Variants in NDST3 observed in about 807,000 individuals in gnomAD.
The protein encoded by NDST3 is bifunctional heparan sulfate N-deacetylase/N-sulfotransferase 3.
NDST3 carries 58 observed loss-of-function variants against 96.1 expected under a neutral mutation model. The observed-to-expected ratio is 0.60, with a 90% CI of 0.49 to 0.75. The LOEUF (loss-of-function observed/expected upper bound fraction) is 0.75, where lower values mean the gene tolerates loss of function less well. Ranked by LOEUF, NDST3 falls within the 30% of genes least tolerant of loss-of-function variation. The pLI, the probability that NDST3 is intolerant of heterozygous loss-of-function variation, is 0.00. For missense variants in NDST3, 788 were observed against 1,034.2 expected, an observed-to-expected ratio of 0.76 and a Z score of 3.27; for synonymous variants, 333 against 359.7, an observed-to-expected ratio of 0.93 and a Z score of 0.84.
At chr4:118,203,474 A>T (rs999092219) in intron 6 of NDST3, among the ~76,000 whole-genome samples, 2 of 152,146 alleles carry the variant, frequency 1.3e-5, no homozygotes. Flanking sequence ...TTAATTACTG[A>T]TTCAATTTCA....
At chr4:118,146,620 T>C (rs1733967958) in intron 6 of NDST3, among the ~76,000 whole-genome samples, 1 of 152,208 alleles carries the variant, frequency 6.6e-6, no homozygotes, top group African/African-American at 2.4e-5. Flanking sequence ...ATATTTGTCA[T>C]GTAAAAGAAA....
At chr4:118,064,525 G>A (rs957053511) in intron 2 of NDST3, among the ~76,000 whole-genome samples, 2 of 151,820 alleles carry the variant, frequency 1.3e-5, no homozygotes, top group African/African-American at 4.8e-5. Flanking sequence ...TAAACTTCTA[G>A]ATAAACTGAA....
At chr4:118,139,440 G>A (rs748944803) in intron 5 of NDST3, among the ~76,000 whole-genome samples, 2 of 152,218 alleles carry the variant, frequency 1.3e-5, no homozygotes, top group Non-Finnish European at 2.9e-5. Flanking sequence ...TATTTGGCTT[G>A]TGGGCTCTTG....
intron 6 of NDST3, among the ~76,000 whole-genome samples, chr4:118,183,160 G>T (rs1269301731): frequency 1.3e-5 from 2 of 152,156 alleles, no homozygotes; most frequent in African/African-American, 4.8e-5. Flanking sequence ...TACAGGCAGA[G>T]ATCCAGGAGG....
At position 118,257,792 on chromosome 4, in the gene NDST3, T is replaced by C. The variant is rs1742205637; in HGVS notation, c.*2080T>C. The C allele has an allele frequency of 6.6e-6, 1 of 152,210 alleles. No homozygotes were observed. Among genetic ancestry groups the C allele is most frequent in the African/African-American group, 2.4e-5 (1 of 41,456 alleles). The allele number at this position is 152,210 out of a possible 1,614,324, so 9.4% of individuals were successfully genotyped here. A position where few individuals can be genotyped will look rare whatever the true frequency, so the allele number is the denominator to read the frequency against. ...CTTGACTCTAAAAGCAAAATCAAAG[T>C]GATTTGGACAAATATGGGAAACACA... On this transcript the variant is annotated 3_prime_UTR_variant, in exon 14 of 14. Transcript: ENST00000296499.
chr4:118,054,013 A>G lies in NDST3; in HGVS notation c.103A>G (p.Ser35Gly), dbSNP rs1388256755. 1 of 1,612,862 alleles carries G rather than the reference A, an allele frequency of 6.2e-7. No individual in the cohort carries two copies. The highest frequency in any genetic ancestry group is 8.5e-7 in the Non-Finnish European group (1 of 1,179,230). Residue 35 changes from serine to glycine, a missense_variant, in exon 2 of 14, where the codon AGT (serine) becomes GGT (glycine). Physicochemically the swap from Ser to Gly is moderately conservative, Grantham distance 56. Coordinates refer to ENST00000296499, the MANE Select transcript of NDST3 (RefSeq NM_004784.3). ...TATCATTTCTGCTTACTACCTGTAC[A>G]GTGGCTACAAACAGGAAAATGAACT... is the stretch of plus-strand genomic sequence containing the variant. The part of the protein sequence containing the change: ...SIIISAYYLY[S>G]GYKQENELSE...
At chr4:118,067,633 T>C (rs1018871640) in intron 2 of NDST3, among the ~76,000 whole-genome samples, 3 of 152,086 alleles carry the variant, frequency 2.0e-5, no homozygotes. Flanking sequence ...GAATCTATCT[T>C]TAAGGATGCC....
chr4:118,053,680 T>C, intron 1 of NDST3, 76 bp from the exon 2 acceptor site: 1 of 440,120 alleles, frequency 2.3e-6, no homozygotes, highest in Non-Finnish European at 4.0e-6. Flanking sequence ...CTGCCACTTA[T>C]GCTAGTCAAC....
At chr4:118,079,015 A>G (rs1727804408) in intron 2 of NDST3, among the ~76,000 whole-genome samples, 1 of 152,196 alleles carries the variant, frequency 6.6e-6, no homozygotes. Flanking sequence ...GGAATACTAA[A>G]ATGAGTAAAA....
Position 118,224,641 on chromosome 4 carries a change from C to G in NDST3, c.1690C>G (p.Leu564Val), listed in dbSNP as rs371787334. The G allele has an allele frequency of 1.2e-6, 2 of 1,607,510 alleles. No homozygotes were observed. The highest frequency in any genetic ancestry group is 1.7e-6 in the Non-Finnish European group (2 of 1,176,716). The change falls in exon 7 of 14, where the codon CTG becomes GTG. Residue 564 changes from leucine to valine, a missense_variant. This residue lies in a region of NDST3 where 490 missense variants were observed against 708.8 expected (regional missense o/e 0.69). Transcript: ENST00000296499. ...ACAACTGGCCCACAAGTATTTTGAG[C>G]TGTTTCCTGATCAGAAAGACCCTCT... ...PVQLAHKYFE[L>V]FPDQKDPLWQ...
chr4:118,095,563 T>G (rs1196192269), intron 2 of NDST3, among the ~76,000 whole-genome samples: 2 of 151,846 alleles, frequency 1.3e-5, no homozygotes, highest in African/African-American at 2.4e-5. Context: ...GTTTTTTTTT[T>G]TGTGGTTGTT....
chr4:118,243,227 C>A (rs2126008219), intron 12 of NDST3, among the ~76,000 whole-genome samples: 1 of 152,012 alleles, frequency 6.6e-6, no homozygotes, highest in African/African-American at 2.4e-5. Context: ...TCTTTAATAT[C>A]AATTTAGAAA....
intron 6 of NDST3, 83 bp downstream of exon 6, chr4:118,143,767 C>A: frequency 7.1e-7 from 1 of 1,406,030 alleles, no homozygotes; most frequent in South Asian, 1.5e-5. Context: ...AGGGATTGGG[C>A]AGTCATCAGC....
At chr4:118,213,045 T>A (rs1448647707) in intron 6 of NDST3, among the ~76,000 whole-genome samples, 1 of 152,182 alleles carries the variant, frequency 6.6e-6, no homozygotes, top group Non-Finnish European at 1.5e-5. Context: ...TCCTTATTAG[T>A]CTCTTCACAT....
At chr4:118,169,435 A>T (rs1735776765) in intron 6 of NDST3, among the ~76,000 whole-genome samples, 1 of 152,174 alleles carries the variant, frequency 6.6e-6, no homozygotes, top group Non-Finnish European at 1.5e-5. Flanking sequence ...CCCAAAATAA[A>T]GAGGCTTAAA....
chr4:118,200,160 G>C (rs2125978216), intron 6 of NDST3, among the ~76,000 whole-genome samples: 1 of 152,308 alleles, frequency 6.6e-6, no homozygotes, highest in Middle Eastern at 3.4e-3. Flanking sequence ...CAAGCTCCAG[G>C]AGGGTCCAGA....
chr4:118,068,039 C>T (rs1726739342), intron 2 of NDST3, among the ~76,000 whole-genome samples: 1 of 151,908 alleles, frequency 6.6e-6, no homozygotes, highest in Non-Finnish European at 1.5e-5. Context: ...GTTTTCAAGC[C>T]ATCAGCAGAC....
In NDST3 at chr4:118,164,783, A is replaced by G. The variant is rs183920711; in HGVS notation, c.1539+21099A>G. Among the ~76,000 whole-genome samples, 441 of 152,298 alleles carry G rather than the reference A, an allele frequency of 2.9e-3. 2 individuals are homozygous for G. Among genetic ancestry groups the G allele is most frequent in the African/African-American group, 1.0e-2 (414 of 41,572 alleles). The stretch of plus-strand genomic sequence containing the variant: ...AACACTATAACTATATGACAATAAT[A>G]AAAAGGGCAAGGGAGGTGAAAGAAT... On this transcript the variant is annotated intron_variant, in intron 6 of 13. Coordinates refer to ENST00000296499, the MANE Select transcript of NDST3 (RefSeq NM_004784.3).
chr4:118,099,536 G>T (rs1220225784), intron 2 of NDST3, among the ~76,000 whole-genome samples: 1 of 152,054 alleles, frequency 6.6e-6, no homozygotes, highest in African/African-American at 2.4e-5. Flanking sequence ...TTGCCATTAG[G>T]AGTGTTAATT....
Sources: gnomAD v4.1 joint callset for allele counts (sites outside exome capture counted in the v4.1 genomes callset) on GRCh38, gnomAD v4.1.1 for gene constraint, gnomAD v4.1.1 regional missense constraint, MANE v1.5 for transcripts, NCBI Gene and HGNC (gene_info 2026-07-23, HGNC 2026-07-21) for gene names.